The following EPRS1 variants were observed in gnomAD, a reference collection of about 807,000 sequenced individuals.
The protein encoded by EPRS1 is glutamyl-prolyl-tRNA synthetase 1.
EPRS1 carries 107 observed loss-of-function variants against 188.3 expected under a neutral mutation model. The ratio of observed to expected loss-of-function variants is 0.57; its 90% CI spans 0.49 to 0.67. The LOEUF (loss-of-function observed/expected upper bound fraction) is 0.67. Among genes scored for constraint, EPRS1 ranks in the 30% least tolerant of loss-of-function variants. EPRS1 has a pLI of 0.00. For synonymous variants in EPRS1, 596 were observed against 593.1 expected (o/e 1.00, Z -0.07); for missense variants, 1,577 against 1,802.2 (o/e 0.88, Z 2.26).
chr1:219,997,873 TTGA>T (rs1210835742), intron 17 of EPRS1, among the ~76,000 whole-genome samples: 1 of 152,226 alleles, frequency 6.6e-6, no homozygotes, highest in Non-Finnish European at 1.5e-5. Context: ...ATCTAGATTG[TTGA>T]TAAGGCAAGA....
chr1:219,973,142 G>A, intron 29 of EPRS1, 96 bp downstream of exon 29: 4 of 995,692 alleles, frequency 4.0e-6, no homozygotes, highest in Non-Finnish European at 6.1e-6. Context: ...GGGAACAATT[G>A]CTTCCAATTG....
At chr1:220,038,688 T>C (rs1662235179) in intron 2 of EPRS1, among the ~76,000 whole-genome samples, 1 of 152,074 alleles carries the variant, frequency 6.6e-6, no homozygotes, top group African/African-American at 2.4e-5. Context: ...ACATACCCTG[T>C]TTCATAGGGG....
intron 6 of EPRS1, among the ~76,000 whole-genome samples, 187 bp from the exon 7 acceptor site, chr1:220,025,445 A>C (rs1661954027): frequency 1.3e-5 from 2 of 151,746 alleles, no homozygotes; most frequent in South Asian, 4.1e-4. Flanking sequence ...AAAAAAGACT[A>C]TACCATATAT....
At chr1:219,992,646 G>T (rs534815907) in intron 18 of EPRS1, among the ~76,000 whole-genome samples, 19 of 152,324 alleles carry the variant, frequency 1.2e-4, no homozygotes, top group South Asian at 2.1e-4. Context: ...TCATTTACAG[G>T]CCGGGTGTAG....
chr1:220,046,493 CG>C lies in EPRS1; in HGVS notation c.-106del. On this transcript the variant is annotated 5_prime_UTR_variant, in exon 1 of 32. Transcript: ENST00000366923. ...TGCAACGTGTGCGCGTACCCGACGC[CG>C]CCGCAGCCTTCGCTCCGCCCCTGCG... 6.6e-7 allele frequency: 1 copy of C among 1,524,550 alleles called. No homozygotes were observed. Among genetic ancestry groups the C allele is most frequent in the Non-Finnish European group, 8.8e-7 (1 of 1,135,588 alleles). 94.4% of individuals were successfully genotyped at this position (1,524,550 alleles called of 1,614,324 possible).
chr1:219,980,235 C>T lies in EPRS1; in HGVS notation c.3561G>A (p.Leu1187=). The T allele has an allele frequency of 5.6e-6, 9 of 1,609,070 alleles. 1 individual carries two copies. Among genetic ancestry groups the T allele is most frequent in the Non-Finnish European group, 7.6e-6 (9 of 1,176,598 alleles). ...CCTGAGCATATAAGTCAAGTATCTG[C>T]AAGACCTGTAACATTTTAAATGTAA... is the stretch of plus-strand genomic sequence containing the variant. ...ATMEEAAEEV[L]QILDLYAQVY... is the part of the protein sequence containing the mutation. Residue 1187 remains leucine, a synonymous_variant, in exon 26 of 32, where the codon TTG becomes TTA. Coordinates refer to ENST00000366923, the MANE Select transcript of EPRS1 (RefSeq NM_004446.3).
intron 28 of EPRS1, among the ~76,000 whole-genome samples, 183 bp from the exon 29 acceptor site, chr1:219,973,581 A>G (rs183112260): frequency 2.0e-4 from 30 of 151,782 alleles, no homozygotes; most frequent in African/African-American, 6.8e-4. Context: ...AACCTATTCC[A>G]GTAAGAAGGC....
chr1:220,021,040 G>A (rs140857560), intron 9 of EPRS1, among the ~76,000 whole-genome samples: 4 of 151,442 alleles, frequency 2.6e-5, no homozygotes, highest in East Asian at 3.9e-4. Flanking sequence ...ACCATGCCCC[G>A]CTAATTTTTG....
chr1:219,988,845 G>C (rs1234441887), intron 18 of EPRS1, 22 bp from the exon 19 acceptor site: 2 of 1,487,814 alleles, frequency 1.3e-6, no homozygotes, highest in Non-Finnish European at 1.8e-6. Context: ...GAGAGAAAGA[G>C]ATATTTATAA....
rs1558056929 is a variant in EPRS1 at position 220,018,468 on chromosome 1, A to G, written c.1475T>C (p.Ile492Thr). The change falls in exon 12 of 32, where the codon ATC becomes ACC. Residue 492 changes from isoleucine to threonine, a missense_variant. By Grantham distance (89) the Ile-to-Thr change is moderately conservative. Coordinates refer to ENST00000366923, the MANE Select transcript of EPRS1 (RefSeq NM_004446.3). ...ACATACCTTTTTGTTAAACGCCCAGATTTTGTCCCACTCCATGTTCACGAC... is the reference window on the plus strand; with the variant it reads ...ACATACCTTTTTGTTAAACGCCCAGGTTTTGTCCCACTCCATGTTCACGAC... ...RSVVNMEWDKIWAFNKKVIDP... is the reference protein window; with the variant it reads ...RSVVNMEWDKTWAFNKKVIDP... 1 of 1,612,030 alleles carries G rather than the reference A, an allele frequency of 6.2e-7. No homozygotes were observed. Among genetic ancestry groups the G allele is most frequent in the Non-Finnish European group, 8.5e-7 (1 of 1,179,088 alleles).
chr1:220,016,857 G>A (rs959373540), intron 12 of EPRS1, among the ~76,000 whole-genome samples: 6 of 151,806 alleles, frequency 4.0e-5, no homozygotes, highest in Non-Finnish European at 7.4e-5. Flanking sequence ...CTTCCATCAC[G>A]GGAAGTCAAC....
At chr1:220,023,756 A>G (rs901368202) in intron 8 of EPRS1, among the ~76,000 whole-genome samples, 2 of 152,256 alleles carry the variant, frequency 1.3e-5, no homozygotes, top group East Asian at 1.9e-4. Context: ...TACTAAGGGC[A>G]TATTCACATG....
chr1:219,990,704 A>G (rs1661102936), intron 18 of EPRS1, among the ~76,000 whole-genome samples: 1 of 152,190 alleles, frequency 6.6e-6, no homozygotes, highest in African/African-American at 2.4e-5. Flanking sequence ...TTTTCGAAAG[A>G]GATGTTTGAC....
intron 6 of EPRS1, among the ~76,000 whole-genome samples, chr1:220,025,780 G>A (rs555534234): frequency 3.9e-4 from 59 of 151,822 alleles, no homozygotes; most frequent in Middle Eastern, 3.4e-3. Context: ...GGTTTTCTCA[G>A]ATGCCAAAAT....
chr1:220,027,095 G>T (rs1481329520), intron 6 of EPRS1, among the ~76,000 whole-genome samples: 3 of 150,190 alleles, frequency 2.0e-5, no homozygotes, highest in African/African-American at 7.4e-5. Flanking sequence ...TTCAACACCA[G>T]CCTGGCCAAC....
At chr1:219,984,507 C>T (rs2647437) in intron 20 of EPRS1, among the ~76,000 whole-genome samples, 53,820 of 152,140 alleles carry the variant, frequency 0.35, 9,570 homozygotes, top group Admixed American at 0.42. Flanking sequence ...CAACCTCGGA[C>T]TCCTCAGCTC....
At chr1:219,981,551 T>A in intron 23 of EPRS1, 94 bp from the exon 24 acceptor site, 1 of 580,878 alleles carries the variant, frequency 1.7e-6, no homozygotes, top group Non-Finnish European at 3.0e-6. Context: ...TAATAGGAAT[T>A]AAAATGTAAT....
intron 17 of EPRS1, among the ~76,000 whole-genome samples, chr1:219,999,576 G>C (rs1661304024): frequency 6.6e-6 from 1 of 152,188 alleles, no homozygotes; most frequent in African/African-American, 2.4e-5. Context: ...CCCTGCCACT[G>C]TCATGCTAGA....
At chr1:220,032,619 T>A in intron 4 of EPRS1, 93 bp from the exon 5 acceptor site, 1 of 1,243,956 alleles carries the variant, frequency 8.0e-7, no homozygotes, top group African/African-American at 1.5e-5. Flanking sequence ...TGAGATGGCT[T>A]AAAGTTGTGC....
Sources: allele counts gnomAD v4.1 joint callset (sites outside exome capture counted in the v4.1 genomes callset), GRCh38; gene constraint gnomAD v4.1.1; transcripts MANE v1.5; gene names NCBI Gene and HGNC (gene_info 2026-07-23, HGNC 2026-07-21).